GABRR1: variants seen among roughly 807,000 people sequenced by gnomAD.
The protein encoded by GABRR1 is gamma-aminobutyric acid receptor subunit rho-1.
GABRR1 carries 59 observed loss-of-function variants against 55.5 expected under a neutral mutation model. The observed-to-expected ratio is 1.06, with a 90% CI of 0.86 to 1.32. The LOEUF (loss-of-function observed/expected upper bound fraction) is 1.32. Ranked by LOEUF, GABRR1 falls within the 40% of genes most tolerant of loss-of-function variation. GABRR1 has a pLI of 0.00. For synonymous variants in GABRR1, 213 were observed against 226.0 expected (o/e 0.94, Z 0.51); for missense variants, 602 against 619.1 (o/e 0.97, Z 0.29).
chr6:89,180,174 T>G (rs771811059), intron 9 of GABRR1, 118 bp downstream of exon 9: 34 of 1,041,348 alleles, frequency 3.3e-5, no homozygotes, highest in Non-Finnish European at 4.2e-5. Context: ...CCCTGTGAAG[T>G]AGGCACAGGA....
chr6:89,225,461 G>A (rs1197550270), intron 1 of GABRR1, among the ~76,000 whole-genome samples: 6 of 131,230 alleles, frequency 4.6e-5, no homozygotes, highest in Non-Finnish European at 9.5e-5. Flanking sequence ...TCCCCTTCCT[G>A]TGTCCCTGTG....
chr6:89,198,300 G>A lies in GABRR1; in HGVS notation c.349-57C>T, dbSNP rs1772365582. ...GACACACACAAACCCACTGAGATGT[G>A]GATTCTGTAGCCCCTGTGGAGCCAT... On this transcript the variant is annotated intron_variant, in intron 4 of 9. Transcript: ENST00000454853. The A allele has an allele frequency of 2.4e-6, 3 of 1,237,830 alleles. No individual in the cohort carries two copies. In the East Asian group the frequency reaches 7.0e-5, roughly 29 times the overall value. 76.7% of individuals were successfully genotyped at this position (1,237,830 alleles called of 1,614,324 possible).
chr6:89,206,447 C>G lies in GABRR1; in HGVS notation c.123-2962G>C, dbSNP rs1400527056. On this transcript the variant is annotated intron_variant, in intron 1 of 9. Coordinates refer to ENST00000454853, the MANE Select transcript of GABRR1 (RefSeq NM_002042.5). ...CCATCATTCTTCATACCCTTTGTTACCCAGACAACTCCACGCATTCCCAGA... is the reference window on the plus strand; with the variant it reads ...CCATCATTCTTCATACCCTTTGTTAGCCAGACAACTCCACGCATTCCCAGA... Among the ~76,000 whole-genome samples, 5 of 152,232 alleles carry G rather than the reference C, an allele frequency of 3.3e-5. No individual in the cohort carries two copies. The South Asian group carries it at 1.0e-3, about 32-fold the overall frequency.
In GABRR1 at chr6:89,198,366, C is replaced by A. The variant is rs1020088141; in HGVS notation, c.349-123G>T. ...TGAAACCGAACCAAGAGAGGTTTTG[C>A]TTCTAGTCTCCAGAGTTTGCTGCAG... On this transcript the variant is annotated intron_variant, in intron 4 of 9. Transcript: ENST00000454853. 1.4e-5 allele frequency: 10 copies of A among 733,886 alleles called. No homozygotes were observed. In the African/African-American group the frequency reaches 1.6e-4, roughly 12 times the overall value. The allele number at this position is 733,886 out of a possible 1,614,324, so 45.5% of individuals were successfully genotyped here. A position where few individuals can be genotyped will look rare whatever the true frequency, so the allele number is the denominator to read the frequency against.
At chr6:89,215,437 A>C (rs747871504) in intron 1 of GABRR1, among the ~76,000 whole-genome samples, 4 of 152,252 alleles carry the variant, frequency 2.6e-5, no homozygotes, top group Non-Finnish European at 5.9e-5. Flanking sequence ...CAAGCATCAA[A>C]GACAAATACC....
rs780101114 is a variant in GABRR1, at chr6:89,223,926, G to T, written c.-410-2480C>A. Among the ~76,000 whole-genome samples, 24 of 151,896 alleles carry T rather than the reference G, an allele frequency of 1.6e-4. No homozygotes were observed. The Middle Eastern group carries it at 0.01, about 65-fold the overall frequency. On this transcript the variant is annotated intron_variant, in intron 1 of 11. Transcript: ENST00000369451. ...CTACAGGCATATGCCACCATGCCCA[G>T]CTTATTTTTGTATTTTTAATAGAGA...
intron 9 of GABRR1, 136 bp downstream of exon 9, chr6:89,180,156 C>T: frequency 1.1e-6 from 1 of 920,478 alleles, no homozygotes; most frequent in Non-Finnish European, 1.6e-6. Flanking sequence ...GTTTGCTCTT[C>T]ACAACAACCC....
At chr6:89,205,926 G>A (rs183010240) in intron 1 of GABRR1, among the ~76,000 whole-genome samples, 52 of 149,662 alleles carry the variant, frequency 3.5e-4, no homozygotes, top group African/African-American at 1.3e-3. Flanking sequence ...CTCTTCCAGG[G>A]ACACTGAGAA....
intron 5 of GABRR1, among the ~76,000 whole-genome samples, chr6:89,195,503 C>T (rs1314992245): frequency 1.3e-5 from 2 of 151,500 alleles, no homozygotes; most frequent in Non-Finnish European, 2.9e-5. Context: ...AACAGACTTC[C>T]CAATGGAAAC....
rs1167986492 is a variant in GABRR1 at position 89,201,236 on chromosome 6, G to A, written c.203C>T (p.Thr68Ile). Residue 68 changes from threonine (T) to isoleucine (I), a missense_variant, in exon 3 of 10, where the codon ACC (threonine) becomes ATC (isoleucine). This residue lies in a region of GABRR1 where 435 missense variants were observed against 424.2 expected (regional missense o/e 1.03). Coordinates refer to ENST00000454853, the MANE Select transcript of GABRR1 (RefSeq NM_002042.5). ...SPILRRSPDI[T>I]KSPLTKSEQL... ...TTCTGACTTTGTCAGAGGCGATTTG[G>A]TGATGTCAGGACTTCGTCTCAGAAT... is the stretch of plus-strand genomic sequence containing the variant. 1 of 1,613,980 alleles carries A rather than the reference G, an allele frequency of 6.2e-7. No individual in the cohort carries two copies. The highest frequency in any genetic ancestry group is 8.5e-7 in the Non-Finnish European group (1 of 1,179,988).
rs1337001251 is a variant in GABRR1 at position 89,201,209 on chromosome 6, T to TTC, written c.229_230insGA (p.Gln77ArgfsTer4). The TTC allele has an allele frequency of 6.2e-7, 1 of 1,614,178 alleles. No individual in the cohort carries two copies. The highest frequency in any genetic ancestry group is 1.7e-5 in the Admixed American group (1 of 60,022). ...ATCATGGTCATCTATCCTCAGAAGC[T>TTC]GTTCTGACTTTGTCAGAGGCGATTT... On this transcript the variant is annotated frameshift_variant, in exon 3 of 10. Coordinates refer to ENST00000454853, the MANE Select transcript of GABRR1 (RefSeq NM_002042.5). LOFTEE classifies it high-confidence loss of function.
Position 89,190,267 on chromosome 6 carries a change from A to G in GABRR1, c.573-20T>C. 1 of 1,579,656 alleles carries G rather than the reference A, an allele frequency of 6.3e-7. No individual in the cohort carries two copies. Among genetic ancestry groups the G allele is most frequent in the Non-Finnish European group, 8.6e-7 (1 of 1,158,926 alleles). ...GTAACCCTAGGGCCAAAAAGACAAA[A>G]TTGATTTATTCAGAGCCTGCAAAAG... is the stretch of plus-strand genomic sequence containing the variant. On this transcript the variant is annotated intron_variant, in intron 5 of 9. Transcript: ENST00000454853.
intron 1 of GABRR1, among the ~76,000 whole-genome samples, chr6:89,224,727 C>T (rs1773169599): frequency 6.6e-6 from 1 of 152,102 alleles, no homozygotes; most frequent in African/African-American, 2.4e-5. Context: ...GGTTCTTGGT[C>T]ATGAAGTCTT....
At chr6:89,224,458 G>A (rs1773165376) in intron 1 of GABRR1, among the ~76,000 whole-genome samples, 1 of 152,008 alleles carries the variant, frequency 6.6e-6, no homozygotes, top group Non-Finnish European at 1.5e-5. Flanking sequence ...CATGTTTGTT[G>A]GCCATTTGTA....
intron 1 of GABRR1, among the ~76,000 whole-genome samples, chr6:89,212,483 C>T (rs57687377): frequency 0.53 from 79,288 of 150,706 alleles, 21,400 homozygotes; most frequent in Middle Eastern, 0.61. Flanking sequence ...TCAGAATAAA[C>T]GTGAATTCTT....
At chr6:89,194,464 T>A (rs1772199591) in intron 5 of GABRR1, among the ~76,000 whole-genome samples, 1 of 151,884 alleles carries the variant, frequency 6.6e-6, no homozygotes, top group South Asian at 2.1e-4. Flanking sequence ...AAAAAACTAA[T>A]CCTTCAATGC....
At chr6:89,185,706 C>G (rs1771882354) in intron 6 of GABRR1, among the ~76,000 whole-genome samples, 1 of 152,158 alleles carries the variant, frequency 6.6e-6, no homozygotes, top group Non-Finnish European at 1.5e-5. Context: ...AAGGGTTCAC[C>G]CTACAATTCA....
Position 89,178,383 on chromosome 6 carries a change from G to C in GABRR1, c.*387C>G, listed in dbSNP as rs77223757. 1,054 of 201,126 alleles carry C rather than the reference G, an allele frequency of 5.2e-3. 14 individuals are homozygous for C. Among genetic ancestry groups the C allele is most frequent in the African/African-American group, 0.023 (1,009 of 42,968 alleles). 12.5% of individuals were successfully genotyped at this position (201,126 alleles called of 1,614,324 possible). A position where few individuals can be genotyped will look rare whatever the true frequency, so the allele number is the denominator to read the frequency against. Reference sequence around the variant, plus strand: ...GGCCTGTAGGTGCTTCCAAGTTCACGTAGCCTGAACAATGTAATGACACTT... The same window carrying C: ...GGCCTGTAGGTGCTTCCAAGTTCACCTAGCCTGAACAATGTAATGACACTT... On this transcript the variant is annotated 3_prime_UTR_variant, in exon 10 of 10. Coordinates refer to ENST00000454853, the MANE Select transcript of GABRR1 (RefSeq NM_002042.5).
chr6:89,219,918 C>T (rs946315834), upstream of GABRR1, among the ~76,000 whole-genome samples: 3 of 152,108 alleles, frequency 2.0e-5, no homozygotes, highest in African/African-American at 4.8e-5. Context: ...CATCCTTTAA[C>T]GTGCTTTCAA....
Sources: gnomAD v4.1 joint callset for allele counts (sites outside exome capture counted in the v4.1 genomes callset) on GRCh38, gnomAD v4.1.1 for gene constraint, gnomAD v4.1.1 regional missense constraint, MANE v1.5 for transcripts, NCBI Gene and HGNC (gene_info 2026-07-23, HGNC 2026-07-21) for gene names.